STAMBP: variants seen among roughly 807,000 people sequenced by gnomAD.
STAMBP encodes STAM-binding protein.
STAMBP carries 31 observed loss-of-function variants against 50.7 expected under a neutral mutation model. The observed-to-expected ratio is 0.61, with a 90% CI of 0.46 to 0.83. STAMBP has a LOEUF of 0.83. Ranked by LOEUF, STAMBP falls within the 40% of genes least tolerant of loss-of-function variation. The probability of loss-of-function intolerance (pLI) is 0.00; values close to 1 mark genes in which losing one functional copy is unlikely to be tolerated. For synonymous variants in STAMBP, 211 were observed against 192.4 expected (o/e 1.10, Z -0.80); for missense variants, 472 against 518.9 (o/e 0.91, Z 0.88).
chr2:73,835,550 G>A (rs1048348579), intron 2 of STAMBP, among the ~76,000 whole-genome samples: 3 of 152,082 alleles, frequency 2.0e-5, no homozygotes, highest in African/African-American at 7.2e-5. Context: ...GAGAAGGCAG[G>A]GAGAGTAGTT....
chr2:73,844,707 T>C lies in STAMBP; in HGVS notation c.204-106T>C, dbSNP rs528017895. On this transcript the variant is annotated intron_variant, in intron 2 of 9. Transcript: ENST00000394070. ...ATTAGCTCTCCCTCCGCTGCACTTCTGGAACCTTTCATATAAGGGCTTCAG... is the reference window on the plus strand; with the variant it reads ...ATTAGCTCTCCCTCCGCTGCACTTCCGGAACCTTTCATATAAGGGCTTCAG... 1.3e-5 allele frequency: 12 copies of C among 904,406 alleles called. No homozygotes were observed. In the African/African-American group the frequency reaches 2.0e-4, roughly 15 times the overall value. 56.0% of individuals were successfully genotyped at this position (904,406 alleles called of 1,614,324 possible).
intron 4 of STAMBP, among the ~76,000 whole-genome samples, chr2:73,846,111 C>T (rs1223440765): frequency 6.6e-6 from 1 of 152,122 alleles, no homozygotes; most frequent in Non-Finnish European, 1.5e-5. Context: ...GAGGGATGAA[C>T]AGCTATGAGG....
At chr2:73,839,785 T>C (rs1675152296) in intron 2 of STAMBP, among the ~76,000 whole-genome samples, 1 of 152,250 alleles carries the variant, frequency 6.6e-6, no homozygotes, top group African/African-American at 2.4e-5. Flanking sequence ...TGCCCCCATG[T>C]GTCCTTTTCC....
At chr2:73,835,412 G>A (rs537594452) in intron 2 of STAMBP, among the ~76,000 whole-genome samples, 2 of 151,638 alleles carry the variant, frequency 1.3e-5, no homozygotes, top group Non-Finnish European at 2.9e-5. Context: ...TCGAACTCCT[G>A]GATGCAAGCG....
In STAMBP at chr2:73,846,162, A is replaced by T. The variant is rs552598690; in HGVS notation, c.375+900A>T. ...CACCAAGTGAGTGTAAGCTTTAAGGAGGAGGTTATTACTTAGCATTTCTTT... is the reference window on the plus strand; with the variant it reads ...CACCAAGTGAGTGTAAGCTTTAAGGTGGAGGTTATTACTTAGCATTTCTTT... On this transcript the variant is annotated intron_variant, in intron 4 of 9. Coordinates refer to ENST00000394070, the MANE Select transcript of STAMBP (RefSeq NM_213622.4). 4.6e-5 allele frequency among the ~76,000 whole-genome samples: 7 copies of T among 152,232 alleles called. No individual in the cohort carries two copies. The South Asian group carries it at 6.2e-4, about 14-fold the overall frequency.
chr2:73,861,893 T>C (rs1188568495), intron 9 of STAMBP, among the ~76,000 whole-genome samples: 2 of 152,084 alleles, frequency 1.3e-5, no homozygotes, highest in African/African-American at 2.4e-5. Flanking sequence ...ATCCCAATAC[T>C]TTGGGAGACT....
downstream of STAMBP, among the ~76,000 whole-genome samples, chr2:73,867,479 G>T (rs1488603487): frequency 6.6e-6 from 1 of 152,154 alleles, no homozygotes; most frequent in Non-Finnish European, 1.5e-5. Flanking sequence ...GGGAAGTGGA[G>T]GTTGTGGTGA....
intron 5 of STAMBP, 31 bp from the exon 6 acceptor site, chr2:73,849,332 G>GT (rs1424777763): frequency 6.2e-7 from 1 of 1,612,460 alleles, no homozygotes; most frequent in Non-Finnish European, 8.5e-7. Flanking sequence ...GGGCTCAGTG[G>GT]TCGCAGACTA....
intron 2 of STAMBP, among the ~76,000 whole-genome samples, chr2:73,836,601 G>A (rs1674741875): frequency 6.6e-6 from 1 of 152,234 alleles, no homozygotes; most frequent in African/African-American, 2.4e-5. Flanking sequence ...GCCTGCAGAT[G>A]ACTGGTGAGA....
At chr2:73,841,902 G>A (rs1302014818) in intron 2 of STAMBP, among the ~76,000 whole-genome samples, 1 of 152,172 alleles carries the variant, frequency 6.6e-6, no homozygotes, top group African/African-American at 2.4e-5. Context: ...CAGAAAACTG[G>A]CTACAGTTGT....
rs13384412 is a variant in STAMBP at position 73,860,585 on chromosome 2, G to T, written c.1218+434G>T. On this transcript the variant is annotated intron_variant, in intron 9 of 9. Transcript: ENST00000394070. ...GCAAAGGAAAAGAGAAGCCACTTCA[G>T]ATAGGTAAATTAAGTATATTTGTAG... is the stretch of plus-strand genomic sequence containing the variant. The T allele has an allele frequency of 1.7e-3, 1,664 of 983,510 alleles. 14 individuals are homozygous for T. In the African/African-American group the frequency reaches 0.021, roughly 12 times the overall value. 60.9% of individuals were successfully genotyped at this position (983,510 alleles called of 1,614,324 possible).
intron 2 of STAMBP, among the ~76,000 whole-genome samples, chr2:73,834,209 T>TTAAAA (rs1234284980): frequency 2.3e-4 from 2 of 8,562 alleles, no homozygotes; most frequent in Non-Finnish European, 4.8e-4. Flanking sequence ...GATCATGTCT[T>TTAAAA]AAAAAAAAAA....
At chr2:73,841,846 G>A (rs775689607) in intron 2 of STAMBP, among the ~76,000 whole-genome samples, 52 of 152,186 alleles carry the variant, frequency 3.4e-4, no homozygotes, top group Non-Finnish European at 1.8e-4. Flanking sequence ...GGGGTATGTT[G>A]CCCATTGTCT....
At chr2:73,845,478 A>G (rs1675946907) in intron 4 of STAMBP, among the ~76,000 whole-genome samples, 1 of 152,222 alleles carries the variant, frequency 6.6e-6, no homozygotes, top group Middle Eastern at 3.2e-3. Flanking sequence ...CTTGAGGGAC[A>G]GAAAATCTGT....
chr2:73,834,219 AAAAAAAAAAAAAAAAAAATAT>A (rs1237200156), intron 2 of STAMBP, among the ~76,000 whole-genome samples: 15 of 18,768 alleles, frequency 8.0e-4, no homozygotes, highest in Admixed American at 1.8e-3. Context: ...TAAAAAAAAA[AAAAAAAAAAAAAAAAAAATAT>A]ATATATATAT....
At chr2:73,854,502 T>C (rs1180947915) in intron 7 of STAMBP, among the ~76,000 whole-genome samples, 1 of 152,220 alleles carries the variant, frequency 6.6e-6, no homozygotes, top group African/African-American at 2.4e-5. Context: ...TCTCACTACA[T>C]TGTTTATGTT....
Position 73,849,484 on chromosome 2 carries a change from AC to A in STAMBP, c.865del (p.Leu289Ter). ...VETCGILCGK[L>X]MRNEFTITHV... ...AGACATGTGGAATTCTCTGTGGAAAACTGGTAAAAAGAAAAAAAAAACCAAA... is the reference window on the plus strand; with the variant it reads ...AGACATGTGGAATTCTCTGTGGAAAATGGTAAAAAGAAAAAAAAAACCAAA... On this transcript the variant is annotated frameshift_variant and splice_region_variant, in exon 6 of 10. Coordinates refer to ENST00000394070, the MANE Select transcript of STAMBP (RefSeq NM_213622.4). LOFTEE classifies it high-confidence loss of function. The A allele has an allele frequency of 3.8e-6, 6 of 1,585,896 alleles. No individual in the cohort carries two copies. The highest frequency in any genetic ancestry group is 5.1e-6 in the Non-Finnish European group (6 of 1,170,674).
intron 2 of STAMBP, among the ~76,000 whole-genome samples, chr2:73,834,209 T>A (rs1274522891): frequency 2.3e-4 from 2 of 8,562 alleles, no homozygotes; most frequent in Non-Finnish European, 4.8e-4. Flanking sequence ...GATCATGTCT[T>A]AAAAAAAAAA....
intron 9 of STAMBP, 65 bp from the exon 10 acceptor site, chr2:73,862,138 A>AG (rs1678402991): frequency 1.5e-6 from 2 of 1,378,258 alleles, no homozygotes; most frequent in African/African-American, 1.5e-5. Flanking sequence ...CCCTATATGA[A>AG]GAAAAAAAAA....
Sources: gnomAD v4.1 joint callset for allele counts (sites outside exome capture counted in the v4.1 genomes callset) on GRCh38, gnomAD v4.1.1 for gene constraint, MANE v1.5 for transcripts, NCBI Gene and HGNC (gene_info 2026-07-23, HGNC 2026-07-21) for gene names.